PRLR: variants seen among roughly 807,000 people sequenced by gnomAD.
PRLR encodes hPRL receptor.
Under a neutral mutation model 40.2 loss-of-function variants are expected in PRLR, and 13 were observed. The observed-to-expected ratio is 0.32, with a 90% CI of 0.21 to 0.51. PRLR has a LOEUF of 0.51. Ranked by LOEUF, PRLR falls within the 20% of genes least tolerant of loss-of-function variation. PRLR has a pLI of 0.97. For synonymous variants in PRLR, 269 were observed against 278.7 expected (o/e 0.97, Z 0.35); for missense variants, 656 against 747.3 (o/e 0.88, Z 1.42).
At chr5:35,198,587 G>A (rs1298663067) in intron 1 of PRLR, among the ~76,000 whole-genome samples, 4 of 152,156 alleles carry the variant, frequency 2.6e-5, no homozygotes, top group South Asian at 2.1e-4. Context: ...TTAGCAAACC[G>A]GACATTTAAT....
intron 1 of PRLR, among the ~76,000 whole-genome samples, chr5:35,177,369 T>C (rs1775178759): frequency 6.6e-6 from 1 of 152,150 alleles, no homozygotes; most frequent in South Asian, 2.1e-4. Flanking sequence ...CAGTGGTTTT[T>C]GGTATATTCA....
chr5:35,145,213 C>G (rs557943932), intron 1 of PRLR, among the ~76,000 whole-genome samples: 4 of 152,138 alleles, frequency 2.6e-5, no homozygotes, highest in Non-Finnish European at 5.9e-5. Flanking sequence ...CACAGAAATA[C>G]CCATCTGTTT....
chr5:35,163,719 G>A (rs1039426), intron 1 of PRLR, among the ~76,000 whole-genome samples: 43,049 of 152,140 alleles, frequency 0.28, 6,214 homozygotes, highest in Middle Eastern at 0.34. Flanking sequence ...ATAAATTCAA[G>A]GAAGGCTTAT....
intron 2 of PRLR, among the ~76,000 whole-genome samples, chr5:35,099,960 A>C (rs1771770628): frequency 6.6e-6 from 1 of 152,124 alleles, no homozygotes; most frequent in South Asian, 2.1e-4. Flanking sequence ...GCAGATCATG[A>C]GGTCAGGAGT....
At chr5:35,115,957 C>T (rs549882807) in intron 2 of PRLR, among the ~76,000 whole-genome samples, 2 of 152,120 alleles carry the variant, frequency 1.3e-5, no homozygotes, top group Non-Finnish European at 2.9e-5. Context: ...ATGAATATTG[C>T]TTTCTGGATG....
chr5:35,157,313 A>G (rs571516160), intron 1 of PRLR, among the ~76,000 whole-genome samples: 1 of 152,248 alleles, frequency 6.6e-6, no homozygotes, highest in East Asian at 1.9e-4. Context: ...TATCAGCACA[A>G]TATCCTCTTG....
chr5:35,215,364 A>C (rs2111654863), intron 1 of PRLR, among the ~76,000 whole-genome samples: 1 of 152,276 alleles, frequency 6.6e-6, no homozygotes, highest in Admixed American at 6.5e-5. Context: ...CACTTGCCCC[A>C]CATCCTTAGC....
intron 1 of PRLR, among the ~76,000 whole-genome samples, chr5:35,205,119 A>C (rs886327076): frequency 6.6e-6 from 1 of 152,046 alleles, no homozygotes; most frequent in Non-Finnish European, 1.5e-5. Flanking sequence ...ATTAAATGAG[A>C]AATTCAGCCA....
intron 1 of PRLR, among the ~76,000 whole-genome samples, chr5:35,190,656 G>A (rs1372501598): frequency 1.3e-5 from 2 of 151,980 alleles, no homozygotes; most frequent in African/African-American, 4.8e-5. Flanking sequence ...GCAATCAGTT[G>A]CTTTTTCGTT....
At chr5:35,072,452 C>A in intron 6 of PRLR, 123 bp downstream of exon 6, 1 of 1,156,760 alleles carries the variant, frequency 8.6e-7, no homozygotes, top group Non-Finnish European at 1.2e-6. Flanking sequence ...CTGGGTGGGT[C>A]ACAACTGCAT....
chr5:35,155,315 T>C (rs1774458183), intron 1 of PRLR, among the ~76,000 whole-genome samples: 1 of 152,212 alleles, frequency 6.6e-6, no homozygotes, highest in African/African-American at 2.4e-5. Flanking sequence ...TCAATTCTAC[T>C]CATTTGTGAA....
intron 2 of PRLR, among the ~76,000 whole-genome samples, chr5:35,109,621 C>T (rs1772512240): frequency 6.6e-6 from 1 of 152,126 alleles, no homozygotes; most frequent in South Asian, 2.1e-4. Context: ...AAAAAATGCT[C>T]ATCATCACTG....
intron 1 of PRLR, among the ~76,000 whole-genome samples, chr5:35,172,647 G>A (rs34101526): frequency 0.18 from 26,677 of 152,100 alleles, 2,456 homozygotes; most frequent in African/African-American, 0.23. Flanking sequence ...GCCCTTCTCA[G>A]TTTGTCCTGT....
intron 1 of PRLR, among the ~76,000 whole-genome samples, chr5:35,205,151 A>AAT (rs1196020478): frequency 1.3e-5 from 2 of 151,906 alleles, no homozygotes; most frequent in East Asian, 1.9e-4. Flanking sequence ...AAATATATGT[A>AAT]ATATATATAT....
chr5:35,181,107 C>G (rs1775285422), intron 1 of PRLR, among the ~76,000 whole-genome samples: 1 of 149,912 alleles, frequency 6.7e-6, no homozygotes, highest in Non-Finnish European at 1.5e-5. Flanking sequence ...ATTCTCAAGG[C>G]TCTGTGCAAA....
chr5:35,066,448 G>A (rs554389559), intron 9 of PRLR, among the ~76,000 whole-genome samples: 1 of 152,226 alleles, frequency 6.6e-6, no homozygotes, highest in East Asian at 1.9e-4. Flanking sequence ...TGACACTGCG[G>A]CCCACTGGCA....
intron 1 of PRLR, among the ~76,000 whole-genome samples, chr5:35,198,876 A>G (rs1457454229): frequency 6.6e-6 from 1 of 152,172 alleles, no homozygotes; most frequent in Non-Finnish European, 1.5e-5. Context: ...TTAGCAGATG[A>G]TCTGCCTACA....
At chr5:35,105,462 A>G (rs2111585465) in intron 2 of PRLR, among the ~76,000 whole-genome samples, 1 of 152,332 alleles carries the variant, frequency 6.6e-6, no homozygotes. Context: ...CCCATCGCAA[A>G]GAAGCTAAAA....
intron 1 of PRLR, among the ~76,000 whole-genome samples, chr5:35,221,232 G>A (rs1776409630): frequency 1.3e-5 from 2 of 152,178 alleles, no homozygotes; most frequent in African/African-American, 4.8e-5. Context: ...TAAAATGGCT[G>A]AGACAAGAAA....
Sources: allele counts gnomAD v4.1 joint callset (sites outside exome capture counted in the v4.1 genomes callset), GRCh38; gene constraint gnomAD v4.1.1; transcripts MANE v1.5; gene names NCBI Gene and HGNC (gene_info 2026-07-23, HGNC 2026-07-21).